PGM5: variants seen among roughly 807,000 people sequenced by gnomAD.
PGM5 encodes phosphoglucomutase 5.
Under a neutral mutation model 59.2 loss-of-function variants are expected in PGM5, and 23 were observed. The observed-to-expected ratio is 0.39, with a 90% CI of 0.28 to 0.55. The LOEUF is 0.55. PGM5 is among the 20% of genes least tolerant of loss of function. PGM5 has a pLI of 0.66. For synonymous variants in PGM5, 214 were observed against 286.0 expected (o/e 0.75, Z 2.54); for missense variants, 574 against 748.3 (o/e 0.77, Z 2.72).
At chr9:68,459,875 A>T (rs1554685236) in intron 6 of PGM5, among the ~76,000 whole-genome samples, 1 of 152,240 alleles carries the variant, frequency 6.6e-6, no homozygotes, top group Non-Finnish European at 1.5e-5. Context: ...CTTTAAAAAA[A>T]ACTAATTTAT....
intron 6 of PGM5, among the ~76,000 whole-genome samples, chr9:68,439,527 C>CAT (rs1292705806): frequency 7.5e-5 from 11 of 145,904 alleles, no homozygotes; most frequent in East Asian, 2.0e-4. Context: ...ATATATATAA[C>CAT]ATATATATAT....
At chr9:68,441,341 AT>A (rs1444295492) in intron 6 of PGM5, among the ~76,000 whole-genome samples, 16 of 152,254 alleles carry the variant, frequency 1.1e-4, no homozygotes, top group South Asian at 6.2e-4. Context: ...AAAAAGAAAA[AT>A]ATAAACTGAT....
intron 10 of PGM5, among the ~76,000 whole-genome samples, chr9:68,510,412 A>G (rs1824730928): frequency 1.3e-5 from 2 of 151,948 alleles, no homozygotes; most frequent in South Asian, 2.1e-4. Flanking sequence ...CAGCCTCCCA[A>G]AGTGCTGGGA....
intron 9 of PGM5, among the ~76,000 whole-genome samples, chr9:68,487,479 C>T (rs1303554437): frequency 6.6e-6 from 1 of 151,452 alleles, no homozygotes; most frequent in Non-Finnish European, 1.5e-5. Context: ...CACACACACA[C>T]ACACACACAC....
At chr9:68,527,665 A>G (rs572323695) in intron 10 of PGM5, among the ~76,000 whole-genome samples, 11 of 147,206 alleles carry the variant, frequency 7.5e-5, no homozygotes, top group Non-Finnish European at 1.5e-4. Flanking sequence ...CAAGATGATC[A>G]ACACGGAACC....
At chr9:68,519,848 C>T (rs900323968) in intron 10 of PGM5, among the ~76,000 whole-genome samples, 3 of 150,778 alleles carry the variant, frequency 2.0e-5, no homozygotes, top group African/African-American at 7.3e-5. Flanking sequence ...ATTGCTTAAG[C>T]CTGGGAGTTT....
At chr9:68,376,687 A>C (rs2131989902) in intron 1 of PGM5, among the ~76,000 whole-genome samples, 1 of 152,242 alleles carries the variant, frequency 6.6e-6, no homozygotes, top group South Asian at 2.1e-4. Context: ...CAAATGAATT[A>C]TCTGGGAAGA....
chr9:68,413,245 A>T (rs1822965225), intron 6 of PGM5, among the ~76,000 whole-genome samples: 1 of 152,070 alleles, frequency 6.6e-6, no homozygotes, highest in Non-Finnish European at 1.5e-5. Flanking sequence ...TTCTCAGCAC[A>T]TTTCCATTCA....
At chr9:68,399,249 G>A (rs1381739917) in intron 6 of PGM5, 1 of 151,890 alleles carries the variant, frequency 6.6e-6, no homozygotes, top group Non-Finnish European at 1.5e-5. Context: ...TCCTATCACA[G>A]TGAATACTGC....
At chr9:68,372,726 T>G (rs1450016962) in intron 1 of PGM5, among the ~76,000 whole-genome samples, 2 of 152,208 alleles carry the variant, frequency 1.3e-5, no homozygotes, top group Non-Finnish European at 2.9e-5. Context: ...TGTACAAGCC[T>G]GGTGCCAGCA....
intron 6 of PGM5, among the ~76,000 whole-genome samples, chr9:68,401,007 T>G (rs1288356543): frequency 1.3e-5 from 2 of 152,080 alleles, no homozygotes; most frequent in East Asian, 3.9e-4. Flanking sequence ...CTGGAAAGGA[T>G]GCTGAGACTG....
intron 10 of PGM5, among the ~76,000 whole-genome samples, chr9:68,499,634 TG>T (rs1272666479): frequency 6.6e-6 from 1 of 152,168 alleles, no homozygotes; most frequent in Non-Finnish European, 1.5e-5. Flanking sequence ...GTTTGTTAAT[TG>T]GGGTAAAGAA....
rs554650111 is a variant in PGM5 at position 68,367,997 on chromosome 9, T to A, written c.262-10202T>A. On this transcript the variant is annotated intron_variant, in intron 1 of 10. Coordinates refer to ENST00000396396, the MANE Select transcript of PGM5 (RefSeq NM_021965.4). The stretch of plus-strand genomic sequence containing the variant: ...TTGGGGATATATATTTATACGTATC[T>A]ATACAGATAGATATACACATACTTA... Among the ~76,000 whole-genome samples the A allele has an allele frequency of 4.7e-3, 722 of 152,322 alleles. 6 individuals are homozygous for A. The highest frequency in any genetic ancestry group is 4.6e-3 in the Non-Finnish European group (310 of 68,026).
chr9:68,504,328 CAT>C (rs1824623375), intron 10 of PGM5, among the ~76,000 whole-genome samples: 1 of 152,218 alleles, frequency 6.6e-6, no homozygotes, highest in Non-Finnish European at 1.5e-5. Context: ...GTTCCTAAAA[CAT>C]GTTAGACCAC....
At chr9:68,461,608 T>TA (rs34262024) in intron 6 of PGM5, among the ~76,000 whole-genome samples, 20 of 152,206 alleles carry the variant, frequency 1.3e-4, no homozygotes, top group Admixed American at 3.3e-4. Flanking sequence ...AAGACCCTTA[T>TA]AAAAAAAGCC....
chr9:68,480,890 G>A (rs1420436454), intron 8 of PGM5, among the ~76,000 whole-genome samples: 1 of 152,162 alleles, frequency 6.6e-6, no homozygotes, highest in Non-Finnish European at 1.5e-5. Flanking sequence ...CTTGCTAGGA[G>A]TGTGAACCTA....
intron 6 of PGM5, among the ~76,000 whole-genome samples, chr9:68,407,724 T>C (rs774379509): frequency 6.6e-6 from 1 of 152,214 alleles, no homozygotes; most frequent in Non-Finnish European, 1.5e-5. Flanking sequence ...CATTAAAACA[T>C]ATAATGTGAT....
chr9:68,445,811 C>T (rs1273957745), intron 6 of PGM5, among the ~76,000 whole-genome samples: 1 of 152,222 alleles, frequency 6.6e-6, no homozygotes, highest in Non-Finnish European at 1.5e-5. Context: ...AAACACCTCT[C>T]ATTTGGGGAG....
chr9:68,365,092 C>A (rs1210613945), intron 1 of PGM5, among the ~76,000 whole-genome samples: 6 of 150,552 alleles, frequency 4.0e-5, no homozygotes, highest in Admixed American at 2.0e-4. Flanking sequence ...GAAGTTGGAA[C>A]CCACTTTTGG....
Sources: allele counts gnomAD v4.1 joint callset (sites outside exome capture counted in the v4.1 genomes callset), GRCh38; gene constraint gnomAD v4.1.1; transcripts MANE v1.5; gene names NCBI Gene and HGNC (gene_info 2026-07-23, HGNC 2026-07-21).